UBE3D: variants seen among roughly 807,000 people sequenced by gnomAD.
UBE3D encodes ubiquitin protein ligase E3D, also known as E3 ubiquitin-protein ligase E3D.
In UBE3D, 48 loss-of-function variants were observed where a neutral mutation model predicts 49.6. The ratio of observed to expected loss-of-function variants is 0.97; its 90% CI spans 0.77 to 1.23. UBE3D has a LOEUF of 1.23. Among genes scored for constraint, UBE3D ranks in the 50% most tolerant of loss-of-function variants. The pLI, the probability that UBE3D is intolerant of heterozygous loss-of-function variation, is 0.00. For synonymous variants in UBE3D, 189 were observed against 174.2 expected (o/e 1.08, Z -0.67); for missense variants, 452 against 468.4 (o/e 0.96, Z 0.32).
chr6:82,898,686 G>C lies in UBE3D; in HGVS notation c.1150-5644C>G, dbSNP rs1018407351. 2.0e-5 allele frequency among the ~76,000 whole-genome samples: 3 copies of C among 151,998 alleles called. No homozygotes were observed. The South Asian group carries it at 6.2e-4, about 32-fold the overall frequency. ...ACACTGGGGTCTGTTGGGGGGTAGG[G>C]GGCTAGGGGAGGGATAGCATTAGGA... On this transcript the variant is annotated intron_variant, in intron 9 of 9. Transcript: ENST00000369747.
Position 82,978,772 on chromosome 6 carries a change from C to T in UBE3D, c.1011-21322G>A, listed in dbSNP as rs116795156. The stretch of plus-strand genomic sequence containing the variant: ...ACAAAATACACACAACGCACCCATC[C>T]GTATGTTTAAACAGCATTAAGGTTC... On this transcript the variant is annotated intron_variant, in intron 8 of 9. Coordinates refer to ENST00000369747, the MANE Select transcript of UBE3D (RefSeq NM_198920.3). Among the ~76,000 whole-genome samples, 638 of 152,244 alleles carry T rather than the reference C, an allele frequency of 4.2e-3. 4 individuals carry two copies. The highest frequency in any genetic ancestry group is 0.015 in the African/African-American group (606 of 41,556).
Position 82,957,300 on chromosome 6 carries a change from GCC to G in UBE3D, c.1149+10_1149+11del, listed in dbSNP as rs1776224387. On this transcript the variant is annotated intron_variant, in intron 9 of 9. Transcript: ENST00000369747. Reference sequence around the variant, plus strand: ...TGAGAAATCACGGCCTAGAAAAGAAGCCATTGCTCACCTGAAAGGAATTCACA... The same window carrying G: ...TGAGAAATCACGGCCTAGAAAAGAAGATTGCTCACCTGAAAGGAATTCACA... The G allele has an allele frequency of 2.5e-6, 4 of 1,609,144 alleles. No homozygotes were observed. In the East Asian group the frequency reaches 8.9e-5, roughly 36 times the overall value.
downstream of UBE3D, among the ~76,000 whole-genome samples, chr6:82,890,929 T>A (rs531499604): frequency 1.6e-4 from 25 of 152,322 alleles, no homozygotes; most frequent in South Asian, 5.2e-3. Context: ...AAGAAAATTC[T>A]TTTTTATGCA....
At chr6:82,987,063 G>T (rs1778569844) in intron 8 of UBE3D, among the ~76,000 whole-genome samples, 1 of 151,810 alleles carries the variant, frequency 6.6e-6, no homozygotes. Context: ...TCCTCCCTCA[G>T]CCTCCTGAGT....
At chr6:82,934,487 A>G (rs1440549882) in intron 9 of UBE3D, among the ~76,000 whole-genome samples, 1 of 152,200 alleles carries the variant, frequency 6.6e-6, no homozygotes, top group Non-Finnish European at 1.5e-5. Flanking sequence ...TACGACTTAC[A>G]TGGGGTTTCT....
At chr6:82,973,698 T>TA (rs1438109758) in intron 8 of UBE3D, among the ~76,000 whole-genome samples, 1 of 152,062 alleles carries the variant, frequency 6.6e-6, no homozygotes, top group African/African-American at 2.4e-5. Flanking sequence ...AAAAGACACT[T>TA]AAAATGTGAG....
chr6:82,898,277 T>C (rs1359586622), intron 9 of UBE3D, among the ~76,000 whole-genome samples: 1 of 152,210 alleles, frequency 6.6e-6, no homozygotes, highest in Non-Finnish European at 1.5e-5. Flanking sequence ...TGGCGATTCC[T>C]CAAGGATCTA....
chr6:82,929,914 AGTTTACATTACT>A (rs765740429), intron 9 of UBE3D, among the ~76,000 whole-genome samples: 22 of 152,270 alleles, frequency 1.4e-4, no homozygotes, highest in Non-Finnish European at 2.1e-4. Context: ...CAAAGTCCAC[AGTTTACATTACT>A]GTTCACTCTT....
At chr6:82,958,127 A>G (rs916848486) in intron 8 of UBE3D, among the ~76,000 whole-genome samples, 1 of 152,130 alleles carries the variant, frequency 6.6e-6, no homozygotes, top group Non-Finnish European at 1.5e-5. Flanking sequence ...TCAGGAAACC[A>G]AGGGCTAGAG....
chr6:83,059,811 G>T (rs1018684280), intron 1 of UBE3D, among the ~76,000 whole-genome samples: 2 of 152,166 alleles, frequency 1.3e-5, no homozygotes, highest in Non-Finnish European at 2.9e-5. Context: ...GCCCAGCATG[G>T]ATATGAGAAA....
rs555247147 is a variant in UBE3D, at chr6:83,008,024, A to G, written c.1010+10949T>C. On this transcript the variant is annotated intron_variant, in intron 8 of 9. Coordinates refer to ENST00000369747, the MANE Select transcript of UBE3D (RefSeq NM_198920.3). ...TTTTCTTATTTGCTGGCCTAAATAC[A>G]ATTTCAAGAAAATCGTGGGTTATAT... 3.8e-4 allele frequency among the ~76,000 whole-genome samples: 58 copies of G among 152,320 alleles called. 1 individual carries two copies. The South Asian group carries it at 0.011, about 29-fold the overall frequency.
At chr6:83,034,822 G>A (rs539395843) in intron 5 of UBE3D, among the ~76,000 whole-genome samples, 89 of 152,050 alleles carry the variant, frequency 5.9e-4, no homozygotes, top group African/African-American at 2.1e-3. Context: ...ACAGCAGTGT[G>A]AAAATGGACT....
chr6:82,909,302 A>G (rs1182970136), intron 9 of UBE3D, among the ~76,000 whole-genome samples: 1 of 152,244 alleles, frequency 6.6e-6, no homozygotes, highest in African/African-American at 2.4e-5. Flanking sequence ...TCAGGTTACC[A>G]AAGTTGAATT....
chr6:82,901,676 AT>A (rs986124026), intron 9 of UBE3D, among the ~76,000 whole-genome samples: 37 of 152,300 alleles, frequency 2.4e-4, no homozygotes, highest in South Asian at 8.3e-4. Context: ...CAGTGTCTTC[AT>A]TTCTAGACCA....
At chr6:82,921,770 C>T (rs1341756781) in intron 9 of UBE3D, among the ~76,000 whole-genome samples, 1 of 152,110 alleles carries the variant, frequency 6.6e-6, no homozygotes, top group Admixed American at 6.6e-5. Flanking sequence ...CTTGAAGAAC[C>T]CTCCCAAAGT....
intron 8 of UBE3D, 200 bp downstream of exon 8, chr6:83,018,773 A>T: frequency 1.6e-6 from 1 of 615,432 alleles, no homozygotes. Flanking sequence ...TTTTGGTAAA[A>T]GCAAGCTTTC....
intron 8 of UBE3D, among the ~76,000 whole-genome samples, chr6:83,014,761 G>A (rs988694870): frequency 6.6e-6 from 1 of 152,184 alleles, no homozygotes; most frequent in African/African-American, 2.4e-5. Context: ...CAGTAGTGTA[G>A]AGGGGTCCTT....
chr6:82,938,800 C>T (rs944837597), intron 9 of UBE3D: 3 of 152,234 alleles, frequency 2.0e-5, no homozygotes, highest in African/African-American at 4.8e-5. Context: ...GCTATTGAAT[C>T]GGAATCTCTC....
Position 82,983,543 on chromosome 6 carries a change from T to C in UBE3D, c.1011-26093A>G, listed in dbSNP as rs141145785. 4.1e-4 allele frequency among the ~76,000 whole-genome samples: 56 copies of C among 135,054 alleles called. No homozygotes were observed. The East Asian group carries it at 6.6e-3, about 16-fold the overall frequency. The allele number at this position is 135,054 out of a possible 152,430, so 88.6% of individuals were successfully genotyped here. A position where few individuals can be genotyped will look rare whatever the true frequency, so the allele number is the denominator to read the frequency against. The stretch of plus-strand genomic sequence containing the variant: ...TTTTTCAGGGAATAGAGCTAAAAAG[T>C]AGTAATTTTTTTTTAAATGTTAAAT... On this transcript the variant is annotated intron_variant, in intron 8 of 9. Transcript: ENST00000369747.
Sources: allele counts gnomAD v4.1 joint callset (sites outside exome capture counted in the v4.1 genomes callset), GRCh38; gene constraint gnomAD v4.1.1; transcripts MANE v1.5; gene names NCBI Gene and HGNC (gene_info 2026-07-23, HGNC 2026-07-21).